Variants in CDH13 observed in about 807,000 individuals in gnomAD.
CDH13 encodes the protein cadherin-13.
A neutral mutation model predicts 63.8 loss-of-function variants in CDH13; 24 were observed. That is an observed-to-expected ratio of 0.38 (90% CI 0.27 to 0.53). CDH13 has a LOEUF of 0.53. CDH13 is among the 20% of genes least tolerant of loss of function. CDH13 has a pLI of 0.85. For synonymous variants in CDH13, 503 were observed against 355.3 expected (o/e 1.42, Z -4.67); for missense variants, 1,049 against 903.1 (o/e 1.16, Z -2.07).
chr16:83,031,836 C>T (rs191533614), intron 2 of CDH13, among the ~76,000 whole-genome samples, 174 bp from the exon 3 acceptor site: 1 of 152,158 alleles, frequency 6.6e-6, no homozygotes, highest in East Asian at 1.9e-4. Flanking sequence ...TGAGTGAAGT[C>T]CATCAGCACA....
chr16:83,618,367 G>A (rs991967934), intron 8 of CDH13, among the ~76,000 whole-genome samples: 4 of 151,458 alleles, frequency 2.6e-5, no homozygotes, highest in African/African-American at 9.7e-5. Context: ...GGAGGTTGCA[G>A]TGAGCCAAGA....
At chr16:82,707,675 C>T (rs1567647494) in intron 1 of CDH13, among the ~76,000 whole-genome samples, 1 of 152,162 alleles carries the variant, frequency 6.6e-6, no homozygotes, top group Non-Finnish European at 1.5e-5. Flanking sequence ...GTTTTGGTAA[C>T]ACCCGTTGCC....
At chr16:83,575,418 G>A (rs942673364) in intron 7 of CDH13, among the ~76,000 whole-genome samples, 11 of 152,138 alleles carry the variant, frequency 7.2e-5, no homozygotes, top group Non-Finnish European at 7.3e-5. Flanking sequence ...AATCACCACC[G>A]CAGGGATCCT....
intron 5 of CDH13, among the ~76,000 whole-genome samples, chr16:83,238,081 C>A (rs1358578095): frequency 7.2e-6 from 1 of 139,656 alleles, no homozygotes; most frequent in African/African-American, 2.7e-5. Context: ...CAGCCTGTAG[C>A]ATTAGACTGG....
intron 10 of CDH13, among the ~76,000 whole-genome samples, chr16:83,728,080 A>C (rs983717082): frequency 6.6e-6 from 1 of 152,296 alleles, no homozygotes; most frequent in Middle Eastern, 3.4e-3. Context: ...TTATGCGGCA[A>C]CACATACTCA....
chr16:83,259,191 T>C (rs924944421), intron 5 of CDH13, among the ~76,000 whole-genome samples: 3 of 152,132 alleles, frequency 2.0e-5, no homozygotes, highest in Non-Finnish European at 4.4e-5. Flanking sequence ...AAGATTGATA[T>C]AAACCTTATG....
chr16:82,898,129 T>TGACC (rs2041331603), intron 2 of CDH13, among the ~76,000 whole-genome samples: 1 of 152,264 alleles, frequency 6.6e-6, no homozygotes, highest in African/African-American at 2.4e-5. Flanking sequence ...TGATTACATA[T>TGACC]TAAAATGATA....
At chr16:83,045,875 C>A (rs892870405) in intron 3 of CDH13, among the ~76,000 whole-genome samples, 5 of 152,198 alleles carry the variant, frequency 3.3e-5, no homozygotes, top group African/African-American at 1.2e-4. Flanking sequence ...AGTTTTCAGG[C>A]AGAAGCCTGA....
intron 7 of CDH13, among the ~76,000 whole-genome samples, chr16:83,590,913 T>C (rs1287308516): frequency 6.7e-6 from 1 of 148,272 alleles, no homozygotes; most frequent in Non-Finnish European, 1.5e-5. Flanking sequence ...CTTTTTTTTT[T>C]TTTTTTTTTT....
At chr16:83,295,493 G>A (rs1365771284) in intron 5 of CDH13, among the ~76,000 whole-genome samples, 1 of 151,882 alleles carries the variant, frequency 6.6e-6, no homozygotes, top group Non-Finnish European at 1.5e-5. Flanking sequence ...AAAAAACAAT[G>A]AATAATTGAA....
At position 82,788,772 on chromosome 16, in the gene CDH13, C is replaced by G. The variant is rs527379362; in HGVS notation, c.46-69590C>G. Reference sequence around the variant, plus strand: ...GAGTGCCACATGACAAAGAGCCGGACAGATCCTGGGATGTGGAGCCCAGGT... The same window carrying G: ...GAGTGCCACATGACAAAGAGCCGGAGAGATCCTGGGATGTGGAGCCCAGGT... On this transcript the variant is annotated intron_variant, in intron 1 of 13. Coordinates refer to ENST00000567109, the MANE Select transcript of CDH13 (RefSeq NM_001257.5). Among the ~76,000 whole-genome samples the G allele has an allele frequency of 5.3e-4, 80 of 152,306 alleles. 2 individuals carry two copies. The highest frequency in any genetic ancestry group is 1.8e-3 in the African/African-American group (76 of 41,566).
At chr16:83,485,020 T>A (rs1297135035) in intron 6 of CDH13, among the ~76,000 whole-genome samples, 1 of 152,124 alleles carries the variant, frequency 6.6e-6, no homozygotes, top group Non-Finnish European at 1.5e-5. Context: ...ACCCCAAACA[T>A]TCCTCAACCT....
At chr16:83,009,856 G>C (rs560661574) in intron 2 of CDH13, among the ~76,000 whole-genome samples, 1 of 152,116 alleles carries the variant, frequency 6.6e-6, no homozygotes, top group Non-Finnish European at 1.5e-5. Flanking sequence ...GGCTCAGGCC[G>C]GGTGCAGTGG....
At chr16:83,353,795 G>T (rs912169702) in intron 6 of CDH13, among the ~76,000 whole-genome samples, 5 of 152,030 alleles carry the variant, frequency 3.3e-5, no homozygotes, top group African/African-American at 1.2e-4. Context: ...TTGTATTCTG[G>T]GTGAACTGGG....
chr16:83,559,890 T>C (rs948613842), intron 7 of CDH13, among the ~76,000 whole-genome samples: 3 of 152,212 alleles, frequency 2.0e-5, no homozygotes, highest in Non-Finnish European at 4.4e-5. Flanking sequence ...TTCCTAATTC[T>C]TTTATTTTTA....
intron 7 of CDH13, among the ~76,000 whole-genome samples, chr16:83,564,490 C>G (rs1048053989): frequency 2.0e-5 from 3 of 149,220 alleles, no homozygotes; most frequent in Non-Finnish European, 4.4e-5. Flanking sequence ...CTCACTGCAA[C>G]CTCTGCCTCC....
chr16:83,389,862 A>G (rs1338242995), intron 6 of CDH13, among the ~76,000 whole-genome samples: 1 of 152,226 alleles, frequency 6.6e-6, no homozygotes, highest in Middle Eastern at 3.2e-3. Flanking sequence ...TAAATCTACG[A>G]AGAACATTGC....
At chr16:83,346,766 T>G (rs1425159788) in intron 6 of CDH13, among the ~76,000 whole-genome samples, 1 of 152,214 alleles carries the variant, frequency 6.6e-6, no homozygotes, top group Non-Finnish European at 1.5e-5. Flanking sequence ...TTTATGCACA[T>G]GTTATTTTGT....
chr16:82,956,407 G>T (rs577530397), intron 2 of CDH13, among the ~76,000 whole-genome samples: 5 of 152,096 alleles, frequency 3.3e-5, no homozygotes, highest in Non-Finnish European at 7.4e-5. Flanking sequence ...TTCAAGCTCA[G>T]ATGTATCCTG....
Sources: gnomAD v4.1 joint callset for allele counts (sites outside exome capture counted in the v4.1 genomes callset) on GRCh38, gnomAD v4.1.1 for gene constraint, MANE v1.5 for transcripts, NCBI Gene and HGNC (gene_info 2026-07-23, HGNC 2026-07-21) for gene names.